The following RPS7 variants were observed in gnomAD, a reference collection of about 807,000 sequenced individuals.
RPS7 encodes small ribosomal subunit protein eS7.
Under a neutral mutation model 22.1 loss-of-function variants are expected in RPS7, and 1 was observed. The observed-to-expected ratio is 0.05, with a 90% CI of 0.02 to 0.21. The LOEUF (loss-of-function observed/expected upper bound fraction) is 0.21. Ranked by LOEUF, RPS7 falls within the 10% of genes least tolerant of loss-of-function variation. The probability of loss-of-function intolerance (pLI) is 1.00; values close to 1 mark genes in which losing one functional copy is unlikely to be tolerated. For missense variants in RPS7, 137 were observed against 246.4 expected, an observed-to-expected ratio of 0.56 and a Z score of 2.97; for synonymous variants, 80 against 92.0, an observed-to-expected ratio of 0.87 and a Z score of 0.74.
chr2:3,580,531 G>A, intron 6 of RPS7: 1 of 627,932 alleles, frequency 1.6e-6, no homozygotes, highest in South Asian at 1.9e-5. Flanking sequence ...GTGAGTTAGG[G>A]GTGGGTGGTG....
At chr2:3,576,407 G>C (rs1236540733) in intron 3 of RPS7, 80 bp from the exon 4 acceptor site, 1 of 1,248,376 alleles carries the variant, frequency 8.0e-7, no homozygotes, top group African/African-American at 1.5e-5. Context: ...TTAGTGATAA[G>C]GTCTTCTTAT....
intron 5 of RPS7, 39 bp downstream of exon 5, chr2:3,577,813 CTTA>C: frequency 7.8e-7 from 1 of 1,279,340 alleles, no homozygotes; most frequent in Admixed American, 1.7e-5. Flanking sequence ...GTGTACCCCT[CTTA>C]TTAACAACTC....
chr2:3,577,882 G>A, intron 5 of RPS7, 108 bp downstream of exon 5: 1 of 778,938 alleles, frequency 1.3e-6, no homozygotes, highest in Non-Finnish European at 2.2e-6. Context: ...GAATTTTTGA[G>A]TAGCAGCATT....
chr2:3,576,357 T>A, intron 3 of RPS7, 130 bp from the exon 4 acceptor site: 1 of 826,744 alleles, frequency 1.2e-6, no homozygotes, highest in East Asian at 2.4e-5. Flanking sequence ...CATTTATGAT[T>A]AACTCAAAAC....
chr2:3,578,023 G>C, intron 5 of RPS7: 3 of 543,288 alleles, frequency 5.5e-6, no homozygotes, highest in South Asian at 4.3e-5. Flanking sequence ...CCGATTATTT[G>C]TGCACAGGAT....
In RPS7 at chr2:3,580,189, G is replaced by A. The variant is rs367770078; in HGVS notation, c.436G>A (p.Val146Ile). The A allele has an allele frequency of 4.6e-5, 74 of 1,613,364 alleles. No homozygotes were observed. The highest frequency in any genetic ancestry group is 1.3e-4 in the South Asian group (12 of 91,046). The change falls in exon 6 of 7, where the codon GTC becomes ATC. Residue 146 changes from valine to isoleucine, a missense_variant. Physicochemically the swap from Val to Ile is conservative, Grantham distance 29. Around this residue, in one of 2 missense-constraint regions of RPS7, gnomAD observed 74 missense variants for 171.4 expected, o/e 0.43. Coordinates refer to ENST00000645674, the MANE Select transcript of RPS7 (RefSeq NM_001011.4). Reference protein sequence around the residue: ...PSEIVGKRIRVKLDGSRLIKV... With the variant: ...PSEIVGKRIRIKLDGSRLIKV... Reference sequence around the variant, plus strand: ...CGAAATTGTGGGCAAGAGAATCCGCGTCAAACTAGATGGCAGCCGGCTCAT... The same window carrying A: ...CGAAATTGTGGGCAAGAGAATCCGCATCAAACTAGATGGCAGCCGGCTCAT...
intron 6 of RPS7, chr2:3,580,496 C>A (rs1240809630): frequency 3.1e-6 from 2 of 644,484 alleles, no homozygotes; most frequent in Non-Finnish European, 5.6e-6. Flanking sequence ...TTTCTGTGGT[C>A]TTTTAGTTAG....
intron 5 of RPS7, 139 bp downstream of exon 5, chr2:3,577,913 CAT>C (rs1357275558): frequency 9.1e-6 from 6 of 660,536 alleles, no homozygotes; most frequent in Non-Finnish European, 1.6e-5. Context: ...TATAGTTGCA[CAT>C]GATACGTTTT....
chr2:3,576,664 T>C (rs1372864002), intron 4 of RPS7, 34 bp downstream of exon 4: 1 of 1,613,596 alleles, frequency 6.2e-7, no homozygotes, highest in Non-Finnish European at 8.5e-7. Context: ...CGTTTCTGTT[T>C]GTGAATTTTG....
chr2:3,578,315 T>A (rs961927434), intron 5 of RPS7: 1 of 155,440 alleles, frequency 6.4e-6, no homozygotes, highest in Non-Finnish European at 1.4e-5. Context: ...ATTTTGTTAG[T>A]CTCTGATTAG....
rs1474840419 is a variant in RPS7, at chr2:3,580,728, C to T, written c.508-77C>T. The T allele has an allele frequency of 8.7e-6, 8 of 915,232 alleles. No homozygotes were observed. The Admixed American group carries it at 1.4e-4, about 16-fold the overall frequency. The allele number at this position is 915,232 out of a possible 1,614,324, so 56.7% of individuals were successfully genotyped here. A position where few individuals can be genotyped will look rare whatever the true frequency, so the allele number is the denominator to read the frequency against. On this transcript the variant is annotated intron_variant, in intron 6 of 6. Transcript: ENST00000645674. ...CTGAGGAGAAAAACAATACAGGGCA[C>T]AATTTCACGAAACTATTAGGTTTTA... is the stretch of plus-strand genomic sequence containing the variant.
chr2:3,580,418 A>G (rs1352367610), intron 6 of RPS7, 158 bp downstream of exon 6: 7 of 736,438 alleles, frequency 9.5e-6, no homozygotes, highest in Non-Finnish European at 7.4e-6. Context: ...ATTATGTGTC[A>G]GGTGTTAAAT....
At chr2:3,576,255 G>A in intron 3 of RPS7, 1 of 611,804 alleles carries the variant, frequency 1.6e-6, no homozygotes, top group Non-Finnish European at 2.9e-6. Flanking sequence ...GTGCAGAAGT[G>A]GTAGTGATTG....
rs1265689518 is a variant in RPS7 at position 3,575,296 on chromosome 2, A to AT, written c.-69dup. 5.6e-5 allele frequency: 24 copies of AT among 430,756 alleles called. No homozygotes were observed. The East Asian group carries it at 9.2e-4, about 17-fold the overall frequency. The allele number at this position is 430,756 out of a possible 1,614,324, so 26.7% of individuals were successfully genotyped here. ...TCCGCCTCTTGCCTTCGGACGCCGG[A>AT]TTTTGACGTGCTCTCGCGAGATTTG... On this transcript the variant is annotated 5_prime_UTR_variant, in exon 1 of 7. Coordinates refer to ENST00000645674, the MANE Select transcript of RPS7 (RefSeq NM_001011.4).
rs1166949697 is a variant in RPS7, at chr2:3,577,669, G to GT, written c.292-40dup. 5.6e-6 allele frequency: 8 copies of GT among 1,440,784 alleles called. No homozygotes were observed. The African/African-American group carries it at 1.1e-4, about 20-fold the overall frequency. 89.2% of individuals were successfully genotyped at this position (1,440,784 alleles called of 1,614,324 possible). ...AGTTACAGCTTTTTGTCAATTTAAA[G>GT]TCTTTTTTCATTTTGTTACATGATA... On this transcript the variant is annotated intron_variant, in intron 4 of 6. Coordinates refer to ENST00000645674, the MANE Select transcript of RPS7 (RefSeq NM_001011.4).
rs1242468840 is a variant in RPS7 at position 3,575,462 on chromosome 2, C to T, written c.-19+112C>T. On this transcript the variant is annotated intron_variant, in intron 1 of 6. Coordinates refer to ENST00000645674, the MANE Select transcript of RPS7 (RefSeq NM_001011.4). The stretch of plus-strand genomic sequence containing the variant: ...CTTGCTCACAGGGTGGGGATACAGC[C>T]GATTACCCGCCCTGTGCTTTCCGAT... 59 of 676,190 alleles carry T rather than the reference C, an allele frequency of 8.7e-5. No homozygotes were observed. The Middle Eastern group carries it at 1.2e-3, about 13-fold the overall frequency. The allele number at this position is 676,190 out of a possible 1,614,324, so 41.9% of individuals were successfully genotyped here.
chr2:3,577,993 A>T, intron 5 of RPS7: 1 of 576,430 alleles, frequency 1.7e-6, no homozygotes, highest in Non-Finnish European at 3.1e-6. Context: ...CAGTGCTGTC[A>T]CAAGATGAGA....
Position 3,576,561 on chromosome 2 carries a change from A to G in RPS7, c.222A>G (p.Lys74=). ...VPVPQLKSFQ[K]IQVRLVRELE... ...TTCCTCAACTGAAATCTTTCCAGAA[A>G]ATCCAAGTCCGGCTAGTACGCGAAT... Residue 74 remains lysine (K), a synonymous_variant, in exon 4 of 7, where the codon AAA becomes AAG. Transcript: ENST00000645674. 1 of 1,614,114 alleles carries G rather than the reference A, an allele frequency of 6.2e-7. No individual in the cohort carries two copies. Among genetic ancestry groups the G allele is most frequent in the Non-Finnish European group, 8.5e-7 (1 of 1,179,946 alleles).
At position 3,580,827 on chromosome 2, in the gene RPS7, A is replaced by G. The variant is rs914955808; in HGVS notation, c.530A>G (p.Tyr177Cys). The stretch of plus-strand genomic sequence containing the variant: ...TAGGTTGAAACTTTTTCTGGTGTCT[A>G]TAAGAAGCTCACGGGCAAGGATGTT... ...EHKVETFSGV[Y>C]KKLTGKDVNF... Residue 177 changes from tyrosine (Y) to cysteine (C), a missense_variant, in exon 7 of 7, where the codon TAT becomes TGT. Transcript: ENST00000645674. 1 of 1,598,912 alleles carries G rather than the reference A, an allele frequency of 6.3e-7. No individual in the cohort carries two copies.
Sources: allele counts gnomAD v4.1 joint callset, GRCh38; gene constraint gnomAD v4.1.1; regional missense constraint gnomAD v4.1.1; transcripts MANE v1.5; gene names NCBI Gene and HGNC (gene_info 2026-07-23, HGNC 2026-07-21).